PDZD7: variants seen among roughly 807,000 people sequenced by gnomAD.
PDZD7 encodes PDZ domain-containing protein 7.
Under a neutral mutation model 84.7 loss-of-function variants are expected in PDZD7, and 72 were observed. That is an observed-to-expected ratio of 0.85 (90% CI 0.70 to 1.03). The LOEUF (loss-of-function observed/expected upper bound fraction) is 1.03. PDZD7 is among the 50% of genes least tolerant of loss of function. The pLI, the probability that PDZD7 is intolerant of heterozygous loss-of-function variation, is 0.00. For missense variants in PDZD7, 1,490 were observed against 1,412.9 expected (o/e 1.05, Z -0.87); for synonymous variants, 594 against 580.7 (o/e 1.02, Z -0.33).
At chr10:101,009,599 CTTTTTTTTTTT>C (rs142806278) in intron 15 of PDZD7, among the ~76,000 whole-genome samples, 106 of 62,308 alleles carry the variant, frequency 1.7e-3, no homozygotes, top group African/African-American at 6.6e-3. Flanking sequence ...GAGACAGAGT[CTTTTTTTTTTT>C]TTTTTTTTTT....
rs1491577173 is a variant in PDZD7, at chr10:101,017,838, G to GGAAGGAAAGAAA, written c.1522+260_1522+261insTTTCTTTCCTTC. Reference sequence around the variant, plus strand: ...GAAAGGAAAGAAAGGAAGGAAGGAAGGAAAGAAAGAAAGAAAGAAAGAAAG... The same window carrying GGAAGGAAAGAAA: ...GAAAGGAAAGAAAGGAAGGAAGGAAGGAAGGAAAGAAAGAAAGAAAGAAAGAAAGAAAGAAAG... On this transcript the variant is annotated intron_variant, in intron 9 of 16. Coordinates refer to ENST00000619208, the MANE Select transcript of PDZD7 (RefSeq NM_001195263.2). 169 of 169,360 alleles carry GGAAGGAAAGAAA rather than the reference G, an allele frequency of 1.0e-3. 2 individuals are homozygous for GGAAGGAAAGAAA. The highest frequency in any genetic ancestry group is 2.2e-3 in the South Asian group (22 of 9,814). The allele number at this position is 169,360 out of a possible 1,614,324, so 10.5% of individuals were successfully genotyped here.
rs776689329 is a variant in PDZD7 at position 101,010,908 on chromosome 10, T to G, written c.2006-25A>C. The G allele has an allele frequency of 4.6e-6, 7 of 1,518,856 alleles. No homozygotes were observed. In the South Asian group the frequency reaches 4.8e-5, roughly 10 times the overall value. The allele number at this position is 1,518,856 out of a possible 1,614,324, so 94.1% of individuals were successfully genotyped here. On this transcript the variant is annotated intron_variant, in intron 14 of 16. Transcript: ENST00000619208. ...TCTGGGGAAGAGCGCCAAGGTCAGCTGCCCACTCCTCCCCTCTCCAGGACC... is the reference window on the plus strand; with the variant it reads ...TCTGGGGAAGAGCGCCAAGGTCAGCGGCCCACTCCTCCCCTCTCCAGGACC...
In PDZD7 at chr10:101,030,322, C is replaced by A. The variant is rs1284422822; in HGVS notation, c.-103G>T. 20 of 1,028,518 alleles carry A rather than the reference C, an allele frequency of 1.9e-5. No homozygotes were observed. The East Asian group carries it at 5.2e-4, about 27-fold the overall frequency. The allele number at this position is 1,028,518 out of a possible 1,614,324, so 63.7% of individuals were successfully genotyped here. On this transcript the variant is annotated 5_prime_UTR_variant, in exon 2 of 17. Transcript: ENST00000619208. Reference sequence around the variant, plus strand: ...GAGCTCCATGAGCCTCTGTGCGGGGCTGGGGTCTCAGTAACGTGAAGGCCC... The same window carrying A: ...GAGCTCCATGAGCCTCTGTGCGGGGATGGGGTCTCAGTAACGTGAAGGCCC...
At position 101,010,653 on chromosome 10, in the gene PDZD7, G is replaced by A; in HGVS notation, c.2236C>T (p.Leu746=). 6.6e-7 allele frequency: 1 copy of A among 1,514,124 alleles called. No homozygotes were observed. 93.8% of individuals were successfully genotyped at this position (1,514,124 alleles called of 1,614,324 possible). The part of the protein sequence containing the change: ...PQLPPVAPRP[L]RPNWLLTEPL... Reference sequence around the variant, plus strand: ...TCTGTCAGCAGCCAGTTAGGCCGCAGGGGCCGGGGAGCCACGGGGGGTAGC... The same window carrying A: ...TCTGTCAGCAGCCAGTTAGGCCGCAAGGGCCGGGGAGCCACGGGGGGTAGC... Residue 746 remains leucine (L), a synonymous_variant, in exon 15 of 17, where the codon CTG becomes TTG. Transcript: ENST00000619208.
intron 6 of PDZD7, 33 bp from the exon 7 acceptor site, chr10:101,020,711 G>T (rs1853039394): frequency 1.3e-6 from 2 of 1,565,230 alleles, no homozygotes; most frequent in East Asian, 2.2e-5. Context: ...AGGAGGGAAG[G>T]GGGAGCAGTG....
At chr10:101,011,134 A>G in intron 14 of PDZD7, 31 of 1,175,216 alleles carry the variant, frequency 2.6e-5, no homozygotes, top group Non-Finnish European at 3.5e-5. Flanking sequence ...TCCACCTCCC[A>G]GGTTCAAGCG....
rs1324769332 is a variant in PDZD7, at chr10:101,016,402, C to T, written c.1548G>A (p.Lys516=). The stretch of plus-strand genomic sequence containing the variant: ...CACGTCTCAGTCTCCAGGTGACAAA[C>T]TTCTGTACCGGGCCCACGCCCCCTG... ...EKAGGVGPVQ[K]FVTWRLRRDQ... The change falls in exon 10 of 17, where the codon AAG becomes AAA. Residue 516 remains lysine (K), a synonymous_variant. Coordinates refer to ENST00000619208, the MANE Select transcript of PDZD7 (RefSeq NM_001195263.2). 1 of 1,550,712 alleles carries T rather than the reference C, an allele frequency of 6.4e-7. No individual in the cohort carries two copies.
intron 2 of PDZD7, among the ~76,000 whole-genome samples, chr10:101,026,663 T>TCACACACACACA (rs3051194): frequency 5.2e-4 from 65 of 123,894 alleles, no homozygotes; most frequent in Middle Eastern, 4.0e-3. Context: ...CAGGGAGAAA[T>TCACACACACACA]CACACACACA....
Position 101,022,157 on chromosome 10 carries a change from C to A in PDZD7, c.719+52G>T, listed in dbSNP as rs73349171. 2,700 of 1,610,370 alleles carry A rather than the reference C, an allele frequency of 1.7e-3. 40 individuals carry two copies. The African/African-American group carries it at 0.032, about 19-fold the overall frequency. On this transcript the variant is annotated intron_variant, in intron 5 of 16. Coordinates refer to ENST00000619208, the MANE Select transcript of PDZD7 (RefSeq NM_001195263.2). ...CCCACATCCCAGCCTAGGCCCCACTCCAGACCCCATTCTCAGTTCTACCCG... is the reference window on the plus strand; with the variant it reads ...CCCACATCCCAGCCTAGGCCCCACTACAGACCCCATTCTCAGTTCTACCCG...
At chr10:101,026,744 G>C (rs968275031) in intron 2 of PDZD7, among the ~76,000 whole-genome samples, 1 of 150,992 alleles carries the variant, frequency 6.6e-6, no homozygotes, top group African/African-American at 2.4e-5. Flanking sequence ...TCAGGTTACA[G>C]GGCACGGCCA....
rs375258298 is a variant in PDZD7 at position 101,026,794 on chromosome 10, G to A, written c.227-2726C>T. Among the ~76,000 whole-genome samples, 13 of 152,004 alleles carry A rather than the reference G, an allele frequency of 8.6e-5. 1 individual carries two copies. In the South Asian group the frequency reaches 2.3e-3, roughly 27 times the overall value. ...GAAATCCCCGAGGGCAGCCTGGGGG[G>A]AGGGGTGGTGCAGGACAGATGTGGG... On this transcript the variant is annotated intron_variant, in intron 2 of 16. Coordinates refer to ENST00000619208, the MANE Select transcript of PDZD7 (RefSeq NM_001195263.2).
intron 13 of PDZD7, 69 bp downstream of exon 13, chr10:101,011,856 C>A: frequency 6.5e-7 from 1 of 1,549,574 alleles, no homozygotes; most frequent in Non-Finnish European, 8.7e-7. Context: ...GCAGCCCTCT[C>A]CACCACGGGG....
At position 101,009,200 on chromosome 10, in the gene PDZD7, C is replaced by T. The variant is rs774581268; in HGVS notation, c.2718+50G>A. On this transcript the variant is annotated intron_variant, in intron 16 of 16. Transcript: ENST00000619208. The stretch of plus-strand genomic sequence containing the variant: ...GAGCATGGCCAGCCCCACCTCCTGC[C>T]TGGTTTCAGCTGTGCTCTGAGAGGG... The T allele has an allele frequency of 6.9e-6, 10 of 1,457,778 alleles. No individual in the cohort carries two copies. The East Asian group carries it at 2.2e-4, about 33-fold the overall frequency. The allele number at this position is 1,457,778 out of a possible 1,614,324, so 90.3% of individuals were successfully genotyped here.
intron 2 of PDZD7, among the ~76,000 whole-genome samples, chr10:101,025,848 A>C (rs1263593524): frequency 6.6e-6 from 1 of 152,132 alleles, no homozygotes; most frequent in East Asian, 1.9e-4. Flanking sequence ...CACCCGGCCA[A>C]TGGAAGAGAT....
intron 2 of PDZD7, among the ~76,000 whole-genome samples, chr10:101,027,107 A>G (rs1446145387): frequency 1.3e-5 from 2 of 152,028 alleles, no homozygotes; most frequent in African/African-American, 4.8e-5. Flanking sequence ...GCTATTCTCT[A>G]TACAGTACCC....
At chr10:101,013,467 A>G (rs1852467584) in intron 11 of PDZD7, among the ~76,000 whole-genome samples, 1 of 152,230 alleles carries the variant, frequency 6.6e-6, no homozygotes, top group Non-Finnish European at 1.5e-5. Flanking sequence ...AGTGGGCTTC[A>G]TGGAGGTGGT....
rs776885998 is a variant in PDZD7, at chr10:101,010,636, C to T, written c.2253G>A (p.Leu751=). 54 of 1,504,160 alleles carry T rather than the reference C, an allele frequency of 3.6e-5. No individual in the cohort carries two copies. In the African/African-American group the frequency reaches 5.4e-4, roughly 15 times the overall value. 93.2% of individuals were successfully genotyped at this position (1,504,160 alleles called of 1,614,324 possible). ...GCTCTCGGCTCAGGGGTTCTGTCAG[C>T]AGCCAGTTAGGCCGCAGGGGCCGGG... is the stretch of plus-strand genomic sequence containing the variant. ...VAPRPLRPNW[L]LTEPLSREHP... Residue 751 remains leucine (L), a synonymous_variant, in exon 15 of 17, where the codon CTG becomes CTA. Coordinates refer to ENST00000619208, the MANE Select transcript of PDZD7 (RefSeq NM_001195263.2).
At chr10:101,027,697 C>G (rs1027111885) in intron 2 of PDZD7, among the ~76,000 whole-genome samples, 2 of 151,908 alleles carry the variant, frequency 1.3e-5, no homozygotes, top group Admixed American at 1.3e-4. Flanking sequence ...TCTGACTCTT[C>G]CCATCCTTTG....
intron 2 of PDZD7, among the ~76,000 whole-genome samples, chr10:101,029,552 T>A (rs1367375153): frequency 6.6e-6 from 1 of 152,230 alleles, no homozygotes; most frequent in East Asian, 1.9e-4. Context: ...GCTTGGGCAC[T>A]GACTCCTCGC....
Sources: gnomAD v4.1 joint callset for allele counts (sites outside exome capture counted in the v4.1 genomes callset) on GRCh38, gnomAD v4.1.1 for gene constraint, MANE v1.5 for transcripts, NCBI Gene and HGNC (gene_info 2026-07-23, HGNC 2026-07-21) for gene names.